The following GSTCD variants were observed in gnomAD, a reference collection of about 807,000 sequenced individuals.
The protein encoded by GSTCD is glutathione S-transferase C-terminal domain-containing protein.
Under a neutral mutation model 68.3 loss-of-function variants are expected in GSTCD, and 44 were observed. The observed-to-expected ratio is 0.64, with a 90% CI of 0.51 to 0.83. The LOEUF is 0.83. GSTCD is among the 40% of genes least tolerant of loss of function. GSTCD has a pLI of 0.00. For missense variants in GSTCD, 739 were observed against 735.9 expected (o/e 1.00, Z -0.05); for synonymous variants, 273 against 255.2 (o/e 1.07, Z -0.67).
At chr4:105,731,657 A>C (rs967615350) in intron 5 of GSTCD, among the ~76,000 whole-genome samples, 7 of 152,164 alleles carry the variant, frequency 4.6e-5, no homozygotes, top group Admixed American at 4.6e-4. Context: ...TAAATACACA[A>C]TCATGTCATC....
At chr4:105,758,174 C>A (rs183103254) in intron 5 of GSTCD, among the ~76,000 whole-genome samples, 2 of 152,188 alleles carry the variant, frequency 1.3e-5, no homozygotes, top group African/African-American at 4.8e-5. Flanking sequence ...TTTTGCTGAA[C>A]TAACTGCAGT....
intron 5 of GSTCD, among the ~76,000 whole-genome samples, chr4:105,763,629 A>G (rs1171485339): frequency 1.3e-5 from 2 of 152,150 alleles, no homozygotes; most frequent in African/African-American, 2.4e-5. Context: ...ATGTTTTACT[A>G]TATCATGTAT....
chr4:105,757,674 A>G (rs1204461690), intron 5 of GSTCD, among the ~76,000 whole-genome samples: 2 of 152,170 alleles, frequency 1.3e-5, no homozygotes, highest in African/African-American at 4.8e-5. Flanking sequence ...AAAAGTAGAA[A>G]TCATCAATGT....
intron 5 of GSTCD, among the ~76,000 whole-genome samples, chr4:105,808,219 T>C (rs1722599758): frequency 1.3e-5 from 2 of 152,076 alleles, no homozygotes; most frequent in Non-Finnish European, 2.9e-5. Context: ...TCAGTCTCCT[T>C]ATCAGCTTCC....
At chr4:105,814,396 T>G (rs542480029) in intron 5 of GSTCD, among the ~76,000 whole-genome samples, 10 of 152,240 alleles carry the variant, frequency 6.6e-5, no homozygotes, top group Non-Finnish European at 1.3e-4. Context: ...TTGGATCACC[T>G]GAGGTCAGGA....
intron 8 of GSTCD, among the ~76,000 whole-genome samples, chr4:105,831,306 C>T (rs1017864630): frequency 6.6e-6 from 1 of 152,096 alleles, no homozygotes; most frequent in Non-Finnish European, 1.5e-5. Flanking sequence ...TTCAGTTCAA[C>T]CTTCTCCTTT....
At chr4:105,834,725 G>A (rs1441023384) in intron 9 of GSTCD, 131 bp downstream of exon 9, 2 of 726,964 alleles carry the variant, frequency 2.8e-6, no homozygotes, top group Middle Eastern at 7.3e-4. Context: ...AATATTGTTT[G>A]TAAATTGTAT....
Position 105,722,749 on chromosome 4 carries a change from C to A in GSTCD, c.894+3222C>A, listed in dbSNP as rs555512775. On this transcript the variant is annotated intron_variant, in intron 3 of 11. Coordinates refer to ENST00000515279, the MANE Select transcript of GSTCD (RefSeq NM_001370181.1). ...TTGATAGCTATGCTTTTTTTTTAAA[C>A]CTTTGTTTTAAAAATAGATCATCTT... 5.3e-5 allele frequency among the ~76,000 whole-genome samples: 8 copies of A among 150,962 alleles called. No individual in the cohort carries two copies. The South Asian group carries it at 1.0e-3, about 20-fold the overall frequency.
chr4:105,780,318 T>G (rs1383546357), intron 5 of GSTCD, among the ~76,000 whole-genome samples: 1 of 152,242 alleles, frequency 6.6e-6, no homozygotes, highest in Non-Finnish European at 1.5e-5. Flanking sequence ...AATATTCGCC[T>G]GCCTTGTTCA....
rs148902260 is a variant in GSTCD at position 105,774,001 on chromosome 4, T to C, written c.1240+44502T>C. 2.7e-3 allele frequency among the ~76,000 whole-genome samples: 413 copies of C among 152,324 alleles called. 1 individual carries two copies. The highest frequency in any genetic ancestry group is 9.0e-3 in the African/African-American group (372 of 41,562). On this transcript the variant is annotated intron_variant, in intron 5 of 11. Transcript: ENST00000515279. ...TTGTGTGGGAGTCTCAGTCTCTTTG[T>C]AGGTCTCTAAGAACTTGCTTTATGA... is the stretch of plus-strand genomic sequence containing the variant.
chr4:105,729,366 T>C, intron 4 of GSTCD, 40 bp from the exon 5 acceptor site: 1 of 1,296,338 alleles, frequency 7.7e-7, no homozygotes, highest in Non-Finnish European at 1.1e-6. Context: ...TAAGACTATA[T>C]TAATTCCTTA....
At chr4:105,745,846 G>C (rs770237730) in intron 5 of GSTCD, among the ~76,000 whole-genome samples, 2 of 152,188 alleles carry the variant, frequency 1.3e-5, no homozygotes, top group Non-Finnish European at 2.9e-5. Context: ...TGTTGTTCCA[G>C]TTATAATCTC....
At chr4:105,746,939 A>G (rs1733825026) in intron 5 of GSTCD, among the ~76,000 whole-genome samples, 4 of 152,238 alleles carry the variant, frequency 2.6e-5, no homozygotes, top group Admixed American at 2.6e-4. Context: ...CTATAAACCA[A>G]CAGCAGCACC....
intron 8 of GSTCD, among the ~76,000 whole-genome samples, chr4:105,828,206 T>C (rs1233347838): frequency 6.6e-6 from 1 of 152,192 alleles, no homozygotes; most frequent in African/African-American, 2.4e-5. Flanking sequence ...TATTGGTATT[T>C]GCTTTTTGCT....
intron 5 of GSTCD, among the ~76,000 whole-genome samples, chr4:105,755,622 A>G (rs1578440620): frequency 6.6e-6 from 1 of 152,256 alleles, no homozygotes; most frequent in East Asian, 1.9e-4. Context: ...CAGTTCCACA[A>G]AACTGCCCCC....
At chr4:105,741,617 A>C (rs1182003552) in intron 5 of GSTCD, among the ~76,000 whole-genome samples, 2 of 152,228 alleles carry the variant, frequency 1.3e-5, no homozygotes, top group Admixed American at 1.3e-4. Context: ...TATTAGTATG[A>C]GCAATCAATT....
chr4:105,730,843 C>G (rs569718722), intron 5 of GSTCD, among the ~76,000 whole-genome samples: 1 of 152,126 alleles, frequency 6.6e-6, no homozygotes, highest in African/African-American at 2.4e-5. Flanking sequence ...ATGGTATTGC[C>G]TAGGTTTTCT....
At chr4:105,824,216 T>C (rs535071808) in intron 7 of GSTCD, among the ~76,000 whole-genome samples, 1 of 152,266 alleles carries the variant, frequency 6.6e-6, no homozygotes, top group East Asian at 1.9e-4. Context: ...GGGAATAGCA[T>C]TCTTTTATTT....
intron 5 of GSTCD, among the ~76,000 whole-genome samples, chr4:105,798,298 C>G (rs945956458): frequency 3.9e-5 from 6 of 152,030 alleles, no homozygotes; most frequent in Admixed American, 3.3e-4. Flanking sequence ...TTAAACCCCT[C>G]AAAATGTCAT....
Sources: gnomAD v4.1 joint callset for allele counts (sites outside exome capture counted in the v4.1 genomes callset) on GRCh38, gnomAD v4.1.1 for gene constraint, MANE v1.5 for transcripts, NCBI Gene and HGNC (gene_info 2026-07-23, HGNC 2026-07-21) for gene names.